Variants in USP45 observed in about 807,000 individuals in gnomAD.
The protein encoded by USP45 is ubiquitin carboxyl-terminal hydrolase 45.
In USP45, 89 loss-of-function variants were observed where a neutral mutation model predicts 95.8. The observed-to-expected ratio is 0.93, with a 90% CI of 0.78 to 1.11. The LOEUF (loss-of-function observed/expected upper bound fraction) is 1.11, where lower values mean the gene tolerates loss of function less well. USP45 is among the 50% of genes least tolerant of loss of function. The pLI, the probability that USP45 is intolerant of heterozygous loss-of-function variation, is 0.00. For synonymous variants in USP45, 281 were observed against 316.2 expected, an observed-to-expected ratio of 0.89 and a Z score of 1.18; for missense variants, 898 against 942.5, an observed-to-expected ratio of 0.95 and a Z score of 0.62.
At chr6:99,488,091 G>GCC (rs1794386668) in intron 7 of USP45, 109 bp downstream of exon 7, 1 of 666,204 alleles carries the variant, frequency 1.5e-6, no homozygotes, top group East Asian at 3.0e-5. Context: ...TTATTTTTAA[G>GCC]CCCCCTGGCT....
At chr6:99,456,801 T>C (rs1013214900) in intron 13 of USP45, among the ~76,000 whole-genome samples, 3 of 142,074 alleles carry the variant, frequency 2.1e-5, no homozygotes, top group Admixed American at 1.5e-4. Context: ...ATAACAGCAA[T>C]TGTTCAGGGA....
intron 7 of USP45, among the ~76,000 whole-genome samples, chr6:99,485,320 G>A (rs1283132098): frequency 6.6e-6 from 1 of 152,010 alleles, no homozygotes; most frequent in Admixed American, 6.6e-5. Context: ...ATTCCAGACT[G>A]GGTGACAGAG....
At chr6:99,464,784 T>C in intron 12 of USP45, 37 bp from the exon 13 acceptor site, 2 of 1,539,856 alleles carry the variant, frequency 1.3e-6, no homozygotes, top group Non-Finnish European at 1.7e-6. Context: ...AAAACCTCTT[T>C]AGTAAATAAA....
chr6:99,435,972 TTTTCTTGGGTTAAGCATTTTCC>T, intron 17 of USP45, 126 bp from the exon 18 acceptor site: 6 of 949,932 alleles, frequency 6.3e-6, no homozygotes, highest in Non-Finnish European at 6.1e-6. Flanking sequence ...GAAGCCTGTT[TTTTCTTGGGTTAAGCATTTTCC>T]AAAAAGAACT....
In USP45 at chr6:99,487,979, T is replaced by C. The variant is rs533163620; in HGVS notation, c.714+221A>G. ...TGTTTATTTTAAAGCTGCCTTGATA[T>C]CTTTTTATTATTTGATCCATGGCAT... On this transcript the variant is annotated intron_variant, in intron 7 of 17. Coordinates refer to ENST00000500704, the MANE Select transcript of USP45 (RefSeq NM_001346022.3). 5.9e-5 allele frequency among the ~76,000 whole-genome samples: 9 copies of C among 152,368 alleles called. No individual in the cohort carries two copies. The East Asian group carries it at 1.5e-3, about 26-fold the overall frequency.
At position 99,445,869 on chromosome 6, in the gene USP45, C is replaced by G; in HGVS notation, c.1903G>C (p.Gly635Arg). The change falls in exon 14 of 18, where the codon GGG becomes CGG. Residue 635 changes from glycine to arginine, a missense_variant. By Grantham distance (125) the Gly-to-Arg change is moderately radical. Transcript: ENST00000500704. ...TTCTCACATAGAAGCTTATTATTCC[C>G]CATTAGTAATTCCATAGATGTAAAC... The part of the protein sequence containing the change: ...YQFTSMELLM[G>R]NNKLLCENCT... The G allele has an allele frequency of 6.2e-7, 1 of 1,611,266 alleles. No homozygotes were observed. The highest frequency in any genetic ancestry group is 8.5e-7 in the Non-Finnish European group (1 of 1,179,252).
chr6:99,481,688 T>C (rs1792466144), intron 8 of USP45, among the ~76,000 whole-genome samples: 1 of 152,142 alleles, frequency 6.6e-6, no homozygotes, highest in Non-Finnish European at 1.5e-5. Context: ...CCTCTAGTAA[T>C]CCCCACTCTC....
chr6:99,501,800 A>T, intron 5 of USP45: 2 of 621,692 alleles, frequency 3.2e-6, no homozygotes, highest in Non-Finnish European at 4.6e-6. Flanking sequence ...ATAATACATT[A>T]CTGTTATATA....
chr6:99,439,823 A>G lies in USP45; in HGVS notation c.2106T>C (p.His702=), dbSNP rs757176144. ...AATCGAGCATAAGTGGAAAATCTACATGTCTGTTTACTTTACGAAGACTCA... is the reference window on the plus strand; with the variant it reads ...AATCGAGCATAAGTGGAAAATCTACGTGTCTGTTTACTTTACGAAGACTCA... ...AGLSLRKVNR[H]VDFPLMLDLA... Residue 702 remains histidine, a synonymous_variant, in exon 16 of 18, where the codon CAT becomes CAC. Transcript: ENST00000500704. 5 of 1,608,148 alleles carry G rather than the reference A, an allele frequency of 3.1e-6. No homozygotes were observed. The highest frequency in any genetic ancestry group is 4.2e-6 in the Non-Finnish European group (5 of 1,176,798).
At position 99,435,238 on chromosome 6, in the gene USP45, AAG is replaced by A. The variant is rs1249845197; in HGVS notation, c.*476_*477del. On this transcript the variant is annotated 3_prime_UTR_variant, in exon 18 of 18. Transcript: ENST00000500704. ...TTTAATATTTATTATAAAAATATAA[AAG>A]CACATAAAACACGGAATATGATTGC... The A allele has an allele frequency of 1.3e-5, 2 of 152,568 alleles. No homozygotes were observed. Among genetic ancestry groups the A allele is most frequent in the African/African-American group, 4.8e-5 (2 of 41,464 alleles). The allele number at this position is 152,568 out of a possible 1,614,324, so 9.5% of individuals were successfully genotyped here.
At chr6:99,475,724 A>T (rs764329747) in intron 9 of USP45, among the ~76,000 whole-genome samples, 20 of 152,242 alleles carry the variant, frequency 1.3e-4, no homozygotes, top group Non-Finnish European at 2.2e-4. Flanking sequence ...TATCTTACAG[A>T]AGAAAGAAAA....
rs953016985 is a variant in USP45, at chr6:99,478,686, C to T, written c.846-2456G>A. Among the ~76,000 whole-genome samples the T allele has an allele frequency of 2.6e-5, 4 of 152,118 alleles. 1 individual carries two copies. The highest frequency in any genetic ancestry group is 6.8e-3 in the Middle Eastern group (2 of 292). ...AATACTACACAGCCATAAAAAAGAA[C>T]AAAATCATATCCTTTGCAGCAAGCA... On this transcript the variant is annotated intron_variant, in intron 8 of 17. Coordinates refer to ENST00000500704, the MANE Select transcript of USP45 (RefSeq NM_001346022.3).
intron 13 of USP45, among the ~76,000 whole-genome samples, chr6:99,463,849 C>G (rs1394512170): frequency 6.8e-6 from 1 of 147,072 alleles, no homozygotes; most frequent in Non-Finnish European, 1.5e-5. Flanking sequence ...AATCCATAGA[C>G]CTCTTTTAAA....
chr6:99,441,560 CTTCATA>C (rs1182907418), intron 15 of USP45, among the ~76,000 whole-genome samples: 2 of 151,842 alleles, frequency 1.3e-5, no homozygotes, highest in Non-Finnish European at 2.9e-5. Flanking sequence ...ACTCAATGTT[CTTCATA>C]TTCATTACTA....
intron 8 of USP45, among the ~76,000 whole-genome samples, chr6:99,479,594 C>T (rs1371528773): frequency 2.6e-5 from 1 of 38,394 alleles, no homozygotes; most frequent in Non-Finnish European, 4.7e-5. Context: ...TTTACTATTC[C>T]AACAGACAAA....
chr6:99,488,762 C>T lies in USP45; in HGVS notation c.537G>A (p.Gln179=), dbSNP rs765915739. 1.2e-6 allele frequency: 2 copies of T among 1,605,824 alleles called. No homozygotes were observed. The highest frequency in any genetic ancestry group is 1.7e-6 in the Non-Finnish European group (2 of 1,177,002). The change falls in exon 6 of 18, where the codon CAG becomes CAA. Residue 179 remains glutamine (Q), a synonymous_variant. Coordinates refer to ENST00000500704, the MANE Select transcript of USP45 (RefSeq NM_001346022.3). ...ATAAATTTCTGCATTTTCCTCCCTT[C>T]TGTATTTCATCTGTTTCACATTTTT... ...CEEKCETDEI[Q]KGGKCRNLSV...
At chr6:99,452,530 G>A (rs1257098226) in intron 13 of USP45, among the ~76,000 whole-genome samples, 5 of 152,168 alleles carry the variant, frequency 3.3e-5, no homozygotes, top group Non-Finnish European at 7.4e-5. Flanking sequence ...GGAAACAACA[G>A]GTGCTGGAGA....
Position 99,511,184 on chromosome 6 carries a change from CTATTATTAT to C in USP45, c.-10-963_-10-955del, listed in dbSNP as rs71809544. Among the ~76,000 whole-genome samples the C allele has an allele frequency of 6.0e-5, 9 of 149,640 alleles. No homozygotes were observed. The South Asian group carries it at 1.7e-3, about 28-fold the overall frequency. ...AGATTCCACATTTATATTATTATTACTATTATTATTATTATTATTATTTTGAGATGGATC... is the reference window on the plus strand; with the variant it reads ...AGATTCCACATTTATATTATTATTACTATTATTATTATTTTGAGATGGATC... On this transcript the variant is annotated intron_variant, in intron 1 of 17. Coordinates refer to ENST00000500704, the MANE Select transcript of USP45 (RefSeq NM_001346022.3).
rs145356073 is a variant in USP45 at position 99,437,744 on chromosome 6, G to T, written c.2161-345C>A. Among the ~76,000 whole-genome samples the T allele has an allele frequency of 7.6e-3, 1,151 of 150,676 alleles. 22 individuals carry two copies. The highest frequency in any genetic ancestry group is 0.026 in the African/African-American group (1,066 of 40,932). ...GTGATCTCGGCTCACTGCAACCTCC[G>T]CCACCCAGGTTCAAGAAATTCTCCT... is the stretch of plus-strand genomic sequence containing the variant. On this transcript the variant is annotated intron_variant, in intron 16 of 17. Coordinates refer to ENST00000500704, the MANE Select transcript of USP45 (RefSeq NM_001346022.3).
Sources: gnomAD v4.1 joint callset for allele counts (sites outside exome capture counted in the v4.1 genomes callset) on GRCh38, gnomAD v4.1.1 for gene constraint, MANE v1.5 for transcripts, NCBI Gene and HGNC (gene_info 2026-07-23, HGNC 2026-07-21) for gene names.